TNNI3K: variants seen among roughly 807,000 people sequenced by gnomAD.
TNNI3K encodes the protein TNNI3 interacting kinase, also known as serine/threonine-protein kinase TNNI3K.
A neutral mutation model predicts 114.5 loss-of-function variants in TNNI3K; 140 were observed. The ratio of observed to expected loss-of-function variants is 1.22; its 90% CI spans 1.07 to 1.41. The LOEUF is 1.41. Ranked by LOEUF, TNNI3K falls within the 40% of genes most tolerant of loss-of-function variation. The pLI is 0.00. For missense variants in TNNI3K, 1,125 were observed against 1,007.6 expected, an observed-to-expected ratio of 1.12 and a Z score of -1.58; for synonymous variants, 347 against 347.5, an observed-to-expected ratio of 1.00 and a Z score of 0.02.
intron 4 of TNNI3K, among the ~76,000 whole-genome samples, chr1:74,253,696 C>T (rs544556947): frequency 7.9e-5 from 12 of 152,230 alleles, no homozygotes; most frequent in South Asian, 2.1e-4. Flanking sequence ...CCGCAAGCCC[C>T]GCCGTGCGGC....
rs142508944 is a variant in TNNI3K at position 74,407,599 on chromosome 1, C to T, written c.1773-28481C>T. ...ACTCTTTCTGTCATCTTCAGATTTA[C>T]ACTTCTTCTCCATTTTGAAGTACTT... On this transcript the variant is annotated intron_variant, in intron 17 of 24. Coordinates refer to ENST00000326637, the MANE Select transcript of TNNI3K (RefSeq NM_015978.3). 5.1e-3 allele frequency among the ~76,000 whole-genome samples: 782 copies of T among 152,240 alleles called. 5 individuals carry two copies. Among genetic ancestry groups the T allele is most frequent in the African/African-American group, 0.018 (750 of 41,552 alleles).
At position 74,353,278 on chromosome 1, in the gene TNNI3K, T is replaced by C. The variant is rs780014992; in HGVS notation, c.945T>C (p.Tyr315=). The change falls in exon 10 of 25, where the codon TAT becomes TAC. Residue 315 remains tyrosine, a synonymous_variant. Transcript: ENST00000326637. ...SETAFHSACT[Y]GKSIDLVKFL... ...TTTTTTTTTTCAGTGCTTGTACCTATGGCAAGAGCATTGACCTAGTCAAAT... is the reference window on the plus strand; with the variant it reads ...TTTTTTTTTTCAGTGCTTGTACCTACGGCAAGAGCATTGACCTAGTCAAAT... The C allele has an allele frequency of 6.2e-7, 1 of 1,613,548 alleles. No individual in the cohort carries two copies. The highest frequency in any genetic ancestry group is 1.7e-4 in the Middle Eastern group (1 of 6,056).
chr1:74,386,432 G>C (rs1663482877), intron 17 of TNNI3K, among the ~76,000 whole-genome samples: 1 of 151,936 alleles, frequency 6.6e-6, no homozygotes, highest in African/African-American at 2.4e-5. Flanking sequence ...GCTAGAATAA[G>C]TTTTTCCTTT....
intron 17 of TNNI3K, among the ~76,000 whole-genome samples, chr1:74,381,323 T>G (rs750836219): frequency 1.3e-5 from 2 of 152,172 alleles, no homozygotes; most frequent in Non-Finnish European, 2.9e-5. Flanking sequence ...TTTTCTAATT[T>G]CCAAGACGGT....
intron 23 of TNNI3K, among the ~76,000 whole-genome samples, chr1:74,527,394 G>A (rs1313756501): frequency 6.6e-6 from 1 of 152,164 alleles, no homozygotes; most frequent in Non-Finnish European, 1.5e-5. Context: ...TGAGAAACAA[G>A]GCATAGTAGA....
chr1:74,350,986 T>C (rs1661305207), intron 9 of TNNI3K, among the ~76,000 whole-genome samples: 1 of 152,054 alleles, frequency 6.6e-6, no homozygotes, highest in South Asian at 2.1e-4. Context: ...AGTATTGTTA[T>C]GTGTGAACTT....
chr1:74,511,575 T>C (rs954038634), intron 23 of TNNI3K, among the ~76,000 whole-genome samples: 1 of 152,142 alleles, frequency 6.6e-6, no homozygotes, highest in African/African-American at 2.4e-5. Flanking sequence ...TATCTATCAT[T>C]TATTAAGCAG....
chr1:74,285,202 G>A (rs1657256290), intron 5 of TNNI3K, among the ~76,000 whole-genome samples: 1 of 152,092 alleles, frequency 6.6e-6, no homozygotes, highest in African/African-American at 2.4e-5. Context: ...AAAAATTCAA[G>A]GGACTCACTA....
intron 23 of TNNI3K, among the ~76,000 whole-genome samples, chr1:74,501,102 A>AT (rs1300962145): frequency 3.3e-5 from 5 of 152,018 alleles, no homozygotes; most frequent in Non-Finnish European, 7.4e-5. Context: ...CTAGTTGGAT[A>AT]TTTTTTAAAG....
intron 11 of TNNI3K, among the ~76,000 whole-genome samples, chr1:74,361,777 T>C (rs1463129240): frequency 1.3e-5 from 2 of 151,996 alleles, no homozygotes. Context: ...TTATTGGAGC[T>C]GGCCCCTCAT....
chr1:74,463,436 T>C lies in TNNI3K; in HGVS notation c.2012-5T>C, dbSNP rs752378022. On this transcript the variant is annotated splice_region_variant and splice_polypyrimidine_tract_variant and intron_variant, in intron 20 of 24. Coordinates refer to ENST00000326637, the MANE Select transcript of TNNI3K (RefSeq NM_015978.3). ...TCAAAACTGACATGACCATTTGGTT[T>C]GCAGCGGCTGCGGCAGCAGACATGG... 8.7e-6 allele frequency: 14 copies of C among 1,614,232 alleles called. No individual in the cohort carries two copies. In the Middle Eastern group the frequency reaches 6.6e-4, roughly 76 times the overall value.
rs565940401 is a variant in TNNI3K at position 74,439,393 on chromosome 1, G to A, written c.1879-97G>A. On this transcript the variant is annotated intron_variant, in intron 19 of 24. Transcript: ENST00000326637. ...TATATTTATGCCTTTTGAGAGCATC[G>A]GGAGAACACAGTAAATTCTCACTAA... The A allele has an allele frequency of 2.8e-5, 43 of 1,516,526 alleles. 1 individual carries two copies. The South Asian group carries it at 3.2e-4, about 11-fold the overall frequency. 93.9% of individuals were successfully genotyped at this position (1,516,526 alleles called of 1,614,324 possible). A position where few individuals can be genotyped will look rare whatever the true frequency, so the allele number is the denominator to read the frequency against.
chr1:74,264,408 A>G (rs1655849457), intron 4 of TNNI3K, among the ~76,000 whole-genome samples: 1 of 152,018 alleles, frequency 6.6e-6, no homozygotes, highest in Non-Finnish European at 1.5e-5. Context: ...AGTGCATTTC[A>G]TACTGAAGCC....
At chr1:74,517,639 C>G (rs796311333) in intron 23 of TNNI3K, among the ~76,000 whole-genome samples, 5 of 152,248 alleles carry the variant, frequency 3.3e-5, no homozygotes, top group African/African-American at 1.2e-4. Flanking sequence ...CAGTGGCAAC[C>G]TCAATTAGGT....
chr1:74,252,738 G>A (rs1277937625), intron 4 of TNNI3K, among the ~76,000 whole-genome samples: 3 of 152,146 alleles, frequency 2.0e-5, no homozygotes, highest in African/African-American at 7.2e-5. Context: ...CCTCCCCGTG[G>A]GTTCGTGGTC....
At chr1:74,485,788 C>T (rs1668727622) in intron 21 of TNNI3K, among the ~76,000 whole-genome samples, 1 of 152,122 alleles carries the variant, frequency 6.6e-6, no homozygotes, top group South Asian at 2.1e-4. Flanking sequence ...TGGCAAGCAG[C>T]TGTAGGCATC....
chr1:74,336,299 T>A, intron 7 of TNNI3K, 150 bp downstream of exon 7: 1 of 1,029,742 alleles, frequency 9.7e-7, no homozygotes, highest in Non-Finnish European at 1.3e-6. Context: ...ATCTTTAATA[T>A]ATTTATCAGG....
At chr1:74,250,871 T>A (rs370581875) in intron 4 of TNNI3K, 102 bp downstream of exon 4, 2 of 1,115,610 alleles carry the variant, frequency 1.8e-6, no homozygotes, top group East Asian at 5.7e-5. Context: ...ATGGAAAATT[T>A]TCAGTGACCA....
At chr1:74,369,177 T>C in intron 14 of TNNI3K, 30 bp from the exon 15 acceptor site, 1 of 1,603,066 alleles carries the variant, frequency 6.2e-7, no homozygotes, top group Non-Finnish European at 8.5e-7. Context: ...AGTTAATATG[T>C]GTTTATTTAT....
Sources: gnomAD v4.1 joint callset for allele counts (sites outside exome capture counted in the v4.1 genomes callset) on GRCh38, gnomAD v4.1.1 for gene constraint, MANE v1.5 for transcripts, NCBI Gene and HGNC (gene_info 2026-07-23, HGNC 2026-07-21) for gene names.